CSMD1: variants seen among roughly 807,000 people sequenced by gnomAD.
CSMD1 encodes the protein CUB and sushi domain-containing protein 1.
A neutral mutation model predicts 417.5 loss-of-function variants in CSMD1; 213 were observed. The observed-to-expected ratio is 0.51, with a 90% CI of 0.46 to 0.57. CSMD1 has a LOEUF of 0.57. Ranked by LOEUF, CSMD1 falls within the 20% of genes least tolerant of loss-of-function variation. CSMD1 has a pLI of 0.00. For synonymous variants in CSMD1, 2,862 were observed against 1,736.8 expected, an observed-to-expected ratio of 1.65 and a Z score of -16.11; for missense variants, 6,923 against 4,529.7, an observed-to-expected ratio of 1.53 and a Z score of -15.17.
intron 1 of CSMD1, among the ~76,000 whole-genome samples, chr8:4,837,366 A>T (rs79293667): frequency 1.3e-5 from 2 of 152,208 alleles, no homozygotes; most frequent in East Asian, 3.8e-4. Flanking sequence ...TCAACAGATG[A>T]TAAAGAAAAT....
intron 3 of CSMD1, among the ~76,000 whole-genome samples, chr8:4,411,525 A>G (rs1444111005): frequency 6.6e-6 from 1 of 152,196 alleles, no homozygotes; most frequent in Non-Finnish European, 1.5e-5. Context: ...ATCATCAGAC[A>G]TTTCTTAACT....
chr8:4,684,719 G>C (rs182640596), intron 1 of CSMD1, among the ~76,000 whole-genome samples: 58 of 152,218 alleles, frequency 3.8e-4, no homozygotes, highest in Admixed American at 2.0e-3. Context: ...GGGAATGAAG[G>C]ATAGCTGTAA....
At chr8:3,929,616 T>C (rs562995795) in intron 5 of CSMD1, among the ~76,000 whole-genome samples, 1 of 150,640 alleles carries the variant, frequency 6.6e-6, no homozygotes, top group Non-Finnish European at 1.5e-5. Flanking sequence ...ATTTTGTCTT[T>C]AAAAGGAAGA....
chr8:3,644,415 A>G (rs560486071), intron 7 of CSMD1, among the ~76,000 whole-genome samples: 1 of 152,230 alleles, frequency 6.6e-6, no homozygotes, highest in Non-Finnish European at 1.5e-5. Context: ...TCGCATTTAC[A>G]GTTTCCTCAC....
chr8:4,160,902 G>T (rs1288030776), intron 3 of CSMD1, among the ~76,000 whole-genome samples: 13 of 152,150 alleles, frequency 8.5e-5, no homozygotes, highest in African/African-American at 2.9e-4. Flanking sequence ...GTTCTCTGCT[G>T]AACAAGTGGT....
intron 1 of CSMD1, among the ~76,000 whole-genome samples, chr8:4,696,459 T>G (rs1431017502): frequency 6.6e-6 from 1 of 152,194 alleles, no homozygotes; most frequent in Non-Finnish European, 1.5e-5. Flanking sequence ...TACATTTGTT[T>G]ATTAAAGGGA....
chr8:4,165,558 T>G (rs1797410422), intron 3 of CSMD1, among the ~76,000 whole-genome samples: 1 of 152,152 alleles, frequency 6.6e-6, no homozygotes, highest in Non-Finnish European at 1.5e-5. Context: ...TGCACCACCA[T>G]GCCCAGCTAA....
At chr8:3,701,366 G>C (rs1312736621) in intron 7 of CSMD1, among the ~76,000 whole-genome samples, 2 of 151,882 alleles carry the variant, frequency 1.3e-5, no homozygotes, top group African/African-American at 4.8e-5. Context: ...CTTTTTCTTT[G>C]TCTCAGCTTC....
At chr8:4,898,173 A>T (rs576735411) in intron 1 of CSMD1, among the ~76,000 whole-genome samples, 2 of 152,250 alleles carry the variant, frequency 1.3e-5, no homozygotes, top group South Asian at 4.1e-4. Flanking sequence ...TGAGGGAGGA[A>T]TGCCCAGCGT....
At chr8:3,463,789 C>G (rs988779356) in intron 12 of CSMD1, among the ~76,000 whole-genome samples, 5 of 152,170 alleles carry the variant, frequency 3.3e-5, no homozygotes, top group Non-Finnish European at 7.4e-5. Context: ...TCAATGCTGT[C>G]TCAAAAGTTC....
At chr8:4,509,390 G>A (rs1181725399) in intron 2 of CSMD1, among the ~76,000 whole-genome samples, 1 of 152,118 alleles carries the variant, frequency 6.6e-6, no homozygotes, top group Non-Finnish European at 1.5e-5. Flanking sequence ...ATTTTTAGCT[G>A]CTTCAAAGGG....
At chr8:4,299,263 C>T (rs1797852652) in intron 3 of CSMD1, among the ~76,000 whole-genome samples, 1 of 152,118 alleles carries the variant, frequency 6.6e-6, no homozygotes. Context: ...AAATTTAAAA[C>T]CGTCGGATAA....
At chr8:4,070,233 T>C (rs1018566100) in intron 3 of CSMD1, among the ~76,000 whole-genome samples, 2 of 152,324 alleles carry the variant, frequency 1.3e-5, no homozygotes, top group South Asian at 2.1e-4. Context: ...TTTGGTATGC[T>C]TATCATATAT....
At chr8:4,423,538 A>G (rs1190190753) in intron 2 of CSMD1, among the ~76,000 whole-genome samples, 1 of 152,090 alleles carries the variant, frequency 6.6e-6, no homozygotes, top group East Asian at 1.9e-4. Context: ...CACTGAAGAA[A>G]AAGTTCAAAG....
intron 1 of CSMD1, among the ~76,000 whole-genome samples, chr8:4,851,909 C>G (rs1411652468): frequency 6.6e-6 from 1 of 152,132 alleles, no homozygotes; most frequent in African/African-American, 2.4e-5. Context: ...TACTCATTTG[C>G]TATCACTCTT....
At chr8:3,404,224 C>T (rs1429718741) in intron 15 of CSMD1, among the ~76,000 whole-genome samples, 1 of 151,920 alleles carries the variant, frequency 6.6e-6, no homozygotes, top group African/African-American at 2.4e-5. Flanking sequence ...GTCCCAGTTA[C>T]TCAGGAAGGC....
At chr8:4,856,807 A>G (rs992598931) in intron 1 of CSMD1, among the ~76,000 whole-genome samples, 1 of 151,114 alleles carries the variant, frequency 6.6e-6, no homozygotes, top group African/African-American at 2.4e-5. Flanking sequence ...ACTCCCACAC[A>G]TTAATAATGG....
At chr8:3,681,260 C>G (rs1263859940) in intron 7 of CSMD1, among the ~76,000 whole-genome samples, 1 of 152,170 alleles carries the variant, frequency 6.6e-6, no homozygotes, top group Non-Finnish European at 1.5e-5. Flanking sequence ...TCCCTCTTTG[C>G]AGATGACATG....
intron 4 of CSMD1, among the ~76,000 whole-genome samples, chr8:4,023,310 G>T (rs1490861357): frequency 1.3e-5 from 2 of 152,152 alleles, no homozygotes; most frequent in Admixed American, 6.6e-5. Context: ...TTTAACTTGA[G>T]CAAAGAGTAT....
Sources: gnomAD v4.1 joint callset for allele counts (sites outside exome capture counted in the v4.1 genomes callset) on GRCh38, gnomAD v4.1.1 for gene constraint, MANE v1.5 for transcripts, NCBI Gene and HGNC (gene_info 2026-07-23, HGNC 2026-07-21) for gene names.